KCNN2: variants seen among roughly 807,000 people sequenced by gnomAD.
KCNN2 encodes the protein small conductance calcium-activated potassium channel protein 2.
Under a neutral mutation model 55.5 loss-of-function variants are expected in KCNN2, and 24 were observed. The observed-to-expected ratio is 0.43, with a 90% CI of 0.31 to 0.61. KCNN2 has a LOEUF of 0.61. KCNN2 is among the 20% of genes least tolerant of loss of function. The probability of loss-of-function intolerance (pLI) is 0.08; values close to 1 mark genes in which losing one functional copy is unlikely to be tolerated. For synonymous variants in KCNN2, 431 were observed against 336.1 expected, an observed-to-expected ratio of 1.28 and a Z score of -3.09; for missense variants, 754 against 853.6, an observed-to-expected ratio of 0.88 and a Z score of 1.45.
At chr5:114,135,503 G>C (rs1425756291) in intron 1 of KCNN2, among the ~76,000 whole-genome samples, 1 of 152,096 alleles carries the variant, frequency 6.6e-6, no homozygotes, top group African/African-American at 2.4e-5. Flanking sequence ...TGAGTAATTA[G>C]AAATTATTTT....
At chr5:114,268,943 T>TG (rs1022150408) in intron 2 of KCNN2, among the ~76,000 whole-genome samples, 3 of 150,834 alleles carry the variant, frequency 2.0e-5, no homozygotes, top group Non-Finnish European at 3.0e-5. Context: ...GTCTCGGGGG[T>TG]GGGGGGGTTC....
intron 2 of KCNN2, among the ~76,000 whole-genome samples, chr5:114,261,322 A>G (rs4330454): frequency 0.86 from 130,107 of 152,166 alleles, 55,720 homozygotes; most frequent in East Asian, 0.94. Context: ...CTTGAGCAAC[A>G]CATCCAGCAA....
intron 2 of KCNN2, among the ~76,000 whole-genome samples, chr5:114,285,759 G>A (rs1334060808): frequency 6.6e-6 from 1 of 152,076 alleles, no homozygotes; most frequent in Non-Finnish European, 1.5e-5. Context: ...AGTTGAAGAT[G>A]GAAAATGCTG....
intron 2 of KCNN2, among the ~76,000 whole-genome samples, chr5:114,384,572 C>T (rs1008122729): frequency 6.6e-6 from 1 of 152,186 alleles, no homozygotes; most frequent in Non-Finnish European, 1.5e-5. Context: ...TTTTCTTTGA[C>T]ATACTTCTCT....
intron 1 of KCNN2, among the ~76,000 whole-genome samples, chr5:114,211,454 A>T (rs936169626): frequency 6.6e-6 from 1 of 152,146 alleles, no homozygotes; most frequent in Non-Finnish European, 1.5e-5. Flanking sequence ...GCAAACTAAC[A>T]CAGAAACAGA....
intron 1 of KCNN2, among the ~76,000 whole-genome samples, chr5:114,193,668 T>C (rs1273156321): frequency 1.3e-5 from 2 of 152,120 alleles, no homozygotes; most frequent in African/African-American, 4.8e-5. Context: ...AAAATGAGCT[T>C]ATTCTATTAA....
chr5:114,123,842 C>T (rs1751875863), intron 1 of KCNN2, among the ~76,000 whole-genome samples: 1 of 152,118 alleles, frequency 6.6e-6, no homozygotes, highest in Non-Finnish European at 1.5e-5. Context: ...AACTTTGTCC[C>T]CTTGGGGACT....
chr5:114,118,430 T>A (rs1186253842), intron 1 of KCNN2, among the ~76,000 whole-genome samples: 1 of 152,110 alleles, frequency 6.6e-6, no homozygotes, highest in Admixed American at 6.5e-5. Context: ...GAAAGCCAGT[T>A]TGTGTAATTC....
intron 2 of KCNN2, among the ~76,000 whole-genome samples, chr5:114,304,358 T>G (rs887674249): frequency 6.6e-6 from 1 of 152,212 alleles, no homozygotes; most frequent in Non-Finnish European, 1.5e-5. Context: ...GCAACTTCTT[T>G]AGGCCTTTTG....
intron 1 of KCNN2, among the ~76,000 whole-genome samples, chr5:114,132,578 A>G (rs149961393): frequency 2.2e-3 from 340 of 152,326 alleles, no homozygotes; most frequent in Non-Finnish European, 3.9e-3. Flanking sequence ...ATGAGAATAC[A>G]TATAATTTTT....
chr5:114,409,853 G>A (rs1157779008), intron 3 of KCNN2, among the ~76,000 whole-genome samples: 1 of 152,070 alleles, frequency 6.6e-6, no homozygotes, highest in East Asian at 1.9e-4. Context: ...TTTTTTACCT[G>A]TAGGTAATAA....
chr5:114,280,539 A>G (rs1561553027), intron 2 of KCNN2, among the ~76,000 whole-genome samples: 2 of 152,110 alleles, frequency 1.3e-5, no homozygotes, highest in Non-Finnish European at 2.9e-5. Flanking sequence ...TTTTCCCATC[A>G]CCATTAATTA....
At chr5:114,467,856 C>T (rs1242540987) in intron 4 of KCNN2, among the ~76,000 whole-genome samples, 1 of 152,182 alleles carries the variant, frequency 6.6e-6, no homozygotes, top group African/African-American at 2.4e-5. Context: ...CCCTTCCTAT[C>T]TCTGAAGTAC....
At chr5:114,466,034 A>G (rs1464238024) in intron 4 of KCNN2, among the ~76,000 whole-genome samples, 2 of 152,138 alleles carry the variant, frequency 1.3e-5, no homozygotes, top group African/African-American at 4.8e-5. Context: ...AGACACTCCT[A>G]TGGAGAATGT....
At chr5:114,149,405 T>G (rs545212436) in intron 1 of KCNN2, among the ~76,000 whole-genome samples, 1 of 152,190 alleles carries the variant, frequency 6.6e-6, no homozygotes, top group East Asian at 1.9e-4. Context: ...CTTTCCTTAT[T>G]CCTAGGCAGA....
At chr5:114,224,742 C>A (rs1470791139) in intron 2 of KCNN2, among the ~76,000 whole-genome samples, 1 of 152,156 alleles carries the variant, frequency 6.6e-6, no homozygotes, top group African/African-American at 2.4e-5. Context: ...CCCCTTTCTT[C>A]TCCGGTTGTG....
intron 1 of KCNN2, among the ~76,000 whole-genome samples, chr5:114,074,253 G>A (rs1443989692): frequency 2.6e-5 from 4 of 151,144 alleles, no homozygotes; most frequent in African/African-American, 9.8e-5. Flanking sequence ...CATCACCATC[G>A]GTAGAACTAA....
intron 5 of KCNN2, among the ~76,000 whole-genome samples, chr5:114,480,864 C>G (rs11241280): frequency 6.6e-6 from 1 of 151,916 alleles, no homozygotes; most frequent in South Asian, 2.1e-4. Flanking sequence ...AAGGAACATA[C>G]CTCAAAATAA....
At chr5:114,236,246 A>G (rs1237663395) in intron 2 of KCNN2, among the ~76,000 whole-genome samples, 2 of 152,224 alleles carry the variant, frequency 1.3e-5, no homozygotes, top group African/African-American at 4.8e-5. Flanking sequence ...GATAATGGCT[A>G]GATTTCTCTT....
Sources: gnomAD v4.1 joint callset for allele counts (sites outside exome capture counted in the v4.1 genomes callset) on GRCh38, gnomAD v4.1.1 for gene constraint, MANE v1.5 for transcripts, NCBI Gene and HGNC (gene_info 2026-07-23, HGNC 2026-07-21) for gene names.